ZNF892: variants seen among roughly 807,000 people sequenced by gnomAD.
ZNF892 encodes the protein zinc finger protein 570-like.
At chr2:95,226,695 T>A in the ZNF892 span, among the ~76,000 whole-genome samples, 12 of 152,138 alleles carry the variant, frequency 7.9e-5, no homozygotes, top group Non-Finnish European at 1.5e-5. Flanking sequence ...TTGGGACAGG[T>A]CTGTGGTTAT....
the ZNF892 span, among the ~76,000 whole-genome samples, chr2:95,253,417 G>GGTTCT: frequency 1.3e-5 from 2 of 152,072 alleles, no homozygotes; most frequent in Admixed American, 6.5e-5. Context: ...TATTTCTGAG[G>GGTTCT]GTTCTGTTCT....
the ZNF892 span, among the ~76,000 whole-genome samples, chr2:95,255,922 C>T: frequency 6.6e-6 from 1 of 151,784 alleles, no homozygotes; most frequent in African/African-American, 2.4e-5. Context: ...TTTTGTTTGC[C>T]ATTTGCTTGG....
the ZNF892 span, chr2:95,208,514 A>G: frequency 5.0e-6 from 2 of 396,806 alleles, no homozygotes; most frequent in Admixed American, 4.4e-5. Flanking sequence ...TGTCTTGATT[A>G]AAAGATATTA....
At chr2:95,228,777 T>A in the ZNF892 span, among the ~76,000 whole-genome samples, 7 of 152,186 alleles carry the variant, frequency 4.6e-5, no homozygotes, top group African/African-American at 1.7e-4. Context: ...TTTCTTTTTT[T>A]AATATATTGT....
At chr2:95,250,462 A>C in the ZNF892 span, among the ~76,000 whole-genome samples, 1 of 150,636 alleles carries the variant, frequency 6.6e-6, no homozygotes, top group Admixed American at 6.6e-5. Context: ...TGAGAGTTTT[A>C]AGAATACTTA....
the ZNF892 span, among the ~76,000 whole-genome samples, chr2:95,246,892 G>A: frequency 1.3e-5 from 2 of 152,112 alleles, no homozygotes. Flanking sequence ...CCATGCTCAT[G>A]GATAGGAAGA....
At chr2:95,242,921 T>C in the ZNF892 span, among the ~76,000 whole-genome samples, 1 of 152,190 alleles carries the variant, frequency 6.6e-6, no homozygotes, top group East Asian at 1.9e-4. Flanking sequence ...ACTGTACCCC[T>C]GCCATCTCGG....
At chr2:95,214,646 A>G in the ZNF892 span, 1 of 401,180 alleles carries the variant, frequency 2.5e-6, no homozygotes, top group Non-Finnish European at 4.4e-6. Context: ...ACTTAAAACA[A>G]AATTCAGATA....
At chr2:95,250,650 CTATTCAT>C in the ZNF892 span, among the ~76,000 whole-genome samples, 3 of 123,482 alleles carry the variant, frequency 2.4e-5, no homozygotes, top group Non-Finnish European at 5.2e-5. Context: ...TAAATATAAA[CTATTCAT>C]AAATTATAAA....
chr2:95,249,832 A>G, the ZNF892 span, among the ~76,000 whole-genome samples: 4 of 152,304 alleles, frequency 2.6e-5, no homozygotes, highest in Admixed American at 6.5e-5. Context: ...TCAGTATTTT[A>G]TCTTATTTGG....
chr2:95,253,029 T>G, the ZNF892 span, among the ~76,000 whole-genome samples: 3 of 152,210 alleles, frequency 2.0e-5, no homozygotes, highest in Non-Finnish European at 4.4e-5. Flanking sequence ...TCTCCCATTC[T>G]ATAGGTTGCC....
chr2:95,249,195 A>G, the ZNF892 span, among the ~76,000 whole-genome samples: 1 of 130,296 alleles, frequency 7.7e-6, no homozygotes, highest in Admixed American at 8.0e-5. Context: ...TTGATTTTAT[A>G]TGTATATATG....
the ZNF892 span, among the ~76,000 whole-genome samples, chr2:95,245,070 G>A: frequency 4.6e-5 from 7 of 152,092 alleles, no homozygotes; most frequent in Non-Finnish European, 7.4e-5. Flanking sequence ...AACACTAAAT[G>A]CCCACATGAA....
At chr2:95,241,874 G>A in the ZNF892 span, among the ~76,000 whole-genome samples, 1 of 152,030 alleles carries the variant, frequency 6.6e-6, no homozygotes, top group Admixed American at 6.6e-5. Context: ...TAACAGAATA[G>A]ACCAAGCAGA....
chr2:95,211,655 A>G, the ZNF892 span: 1 of 398,622 alleles, frequency 2.5e-6, no homozygotes, highest in Non-Finnish European at 4.4e-6. Context: ...GCTCTCACCC[A>G]GTGGAGGCAG....
the ZNF892 span, chr2:95,259,467 C>G: frequency 6.6e-6 from 1 of 152,578 alleles, no homozygotes; most frequent in South Asian, 2.1e-4. Context: ...TGACCTCACA[C>G]CTACTTTGCT....
the ZNF892 span, among the ~76,000 whole-genome samples, chr2:95,217,257 C>T: frequency 6.6e-6 from 1 of 152,306 alleles, no homozygotes; most frequent in Non-Finnish European, 1.5e-5. Flanking sequence ...TAATTACCCC[C>T]CTGAAAACCC....
chr2:95,215,397 A>G, the ZNF892 span: 1 of 442,142 alleles, frequency 2.3e-6, no homozygotes, highest in Non-Finnish European at 4.0e-6. Flanking sequence ...AAAAGCATTC[A>G]GCCAGAGCTC....
At chr2:95,257,404 T>C in the ZNF892 span, among the ~76,000 whole-genome samples, 29 of 152,092 alleles carry the variant, frequency 1.9e-4, no homozygotes, top group Admixed American at 1.5e-3. Flanking sequence ...AAACAGCAAA[T>C]GTTGCTGCCT....
Sources: allele counts gnomAD v4.1 joint callset (sites outside exome capture counted in the v4.1 genomes callset), GRCh38; gene constraint gnomAD v4.1.1; transcripts MANE v1.5; gene names NCBI Gene and HGNC (gene_info 2026-07-23, HGNC 2026-07-21).